MAP7: variants seen among roughly 807,000 people sequenced by gnomAD.
The protein encoded by MAP7 is ensconsin.
Under a neutral mutation model 94.8 loss-of-function variants are expected in MAP7, and 52 were observed. The observed-to-expected ratio is 0.55, with a 90% CI of 0.44 to 0.69. The LOEUF (loss-of-function observed/expected upper bound fraction) is 0.69, where lower values mean the gene tolerates loss of function less well. Ranked by LOEUF, MAP7 falls within the 30% of genes least tolerant of loss-of-function variation. The probability of loss-of-function intolerance (pLI) is 0.00; values close to 1 mark genes in which losing one functional copy is unlikely to be tolerated. For synonymous variants in MAP7, 350 were observed against 357.0 expected, an observed-to-expected ratio of 0.98 and a Z score of 0.22; for missense variants, 940 against 964.6, an observed-to-expected ratio of 0.97 and a Z score of 0.34.
rs190972570 is a variant in MAP7 at position 136,510,000 on chromosome 6, G to A, written c.67+40342C>T. Among the ~76,000 whole-genome samples the A allele has an allele frequency of 1.5e-4, 23 of 152,282 alleles. No individual in the cohort carries two copies. The East Asian group carries it at 2.1e-3, about 14-fold the overall frequency. On this transcript the variant is annotated intron_variant, in intron 1 of 17. Transcript: ENST00000354570. ...GTGGATCACCTGAGGTCAGGAGTTC[G>A]AGACCAGCCTGAGTAATATGGTGAA...
intron 1 of MAP7, among the ~76,000 whole-genome samples, chr6:136,470,124 C>A (rs762568792): frequency 1.3e-5 from 2 of 152,160 alleles, no homozygotes; most frequent in Non-Finnish European, 2.9e-5. Context: ...AGGCCCTTCC[C>A]ATCCTTTCCG....
intron 3 of MAP7, among the ~76,000 whole-genome samples, chr6:136,396,110 T>A (rs1782388718): frequency 6.6e-6 from 1 of 152,218 alleles, no homozygotes; most frequent in South Asian, 2.1e-4. Flanking sequence ...GTCATTGGTA[T>A]TTTGGTAGGA....
intron 1 of MAP7, among the ~76,000 whole-genome samples, chr6:136,536,266 C>T (rs887966700): frequency 6.6e-6 from 1 of 152,118 alleles, no homozygotes; most frequent in African/African-American, 2.4e-5. Context: ...TCCATAAATA[C>T]GTCTTCTCTT....
intron 16 of MAP7, among the ~76,000 whole-genome samples, chr6:136,348,570 G>A (rs917926065): frequency 6.6e-6 from 1 of 152,156 alleles, no homozygotes; most frequent in Non-Finnish European, 1.5e-5. Context: ...AAGACCGCAC[G>A]CTTTGCTCCA....
intron 1 of MAP7, among the ~76,000 whole-genome samples, chr6:136,479,421 G>A (rs1375042790): frequency 6.6e-6 from 1 of 152,152 alleles, no homozygotes; most frequent in Non-Finnish European, 1.5e-5. Context: ...AGGAAAAACT[G>A]AAAGCCTTTC....
chr6:136,544,951 A>G (rs1417946130), intron 1 of MAP7, among the ~76,000 whole-genome samples: 1 of 152,172 alleles, frequency 6.6e-6, no homozygotes, highest in Non-Finnish European at 1.5e-5. Context: ...GTAAAGAACA[A>G]AACAGGTCCT....
At chr6:136,473,670 C>T (rs1211454559) in intron 1 of MAP7, among the ~76,000 whole-genome samples, 2 of 152,114 alleles carry the variant, frequency 1.3e-5, no homozygotes, top group Non-Finnish European at 2.9e-5. Flanking sequence ...TATTATAAAG[C>T]AAGGCTGCCT....
chr6:136,493,417 C>A (rs998398665), intron 1 of MAP7, among the ~76,000 whole-genome samples: 5 of 151,860 alleles, frequency 3.3e-5, no homozygotes, highest in Non-Finnish European at 7.4e-5. Flanking sequence ...GCCACCGCAC[C>A]GGCTTCTTCT....
At chr6:136,549,503 G>A (rs1428817720) in intron 1 of MAP7, among the ~76,000 whole-genome samples, 1 of 152,052 alleles carries the variant, frequency 6.6e-6, no homozygotes, top group Admixed American at 6.5e-5. Context: ...AAGCCTTGCT[G>A]CTGGTCTTGG....
intron 16 of MAP7, among the ~76,000 whole-genome samples, chr6:136,350,001 G>C (rs1788709603): frequency 6.6e-6 from 1 of 152,178 alleles, no homozygotes; most frequent in Admixed American, 6.5e-5. Context: ...ATGTAATTTA[G>C]TTCACAGCAT....
intron 1 of MAP7, among the ~76,000 whole-genome samples, chr6:136,431,881 A>C (rs1158608206): frequency 6.6e-6 from 1 of 152,178 alleles, no homozygotes; most frequent in African/African-American, 2.4e-5. Context: ...CAAAACTTTG[A>C]AGACTGAAGT....
At chr6:136,508,716 T>G (rs1181890413) in intron 1 of MAP7, among the ~76,000 whole-genome samples, 1 of 152,214 alleles carries the variant, frequency 6.6e-6, no homozygotes, top group Admixed American at 6.5e-5. Flanking sequence ...CAGGATGGTT[T>G]TCCTTTTTTT....
chr6:136,355,891 G>A (rs931989603), intron 16 of MAP7, among the ~76,000 whole-genome samples: 3 of 152,152 alleles, frequency 2.0e-5, no homozygotes, highest in African/African-American at 4.8e-5. Context: ...ATATGATGCT[G>A]TTGATATAAT....
chr6:136,421,877 T>A, intron 1 of MAP7, 78 bp from the exon 2 acceptor site: 1 of 1,118,684 alleles, frequency 8.9e-7, no homozygotes, highest in Non-Finnish European at 1.3e-6. Flanking sequence ...TATTCGACAT[T>A]TACTGTTAAC....
Position 136,550,387 on chromosome 6 carries a change from C to T in MAP7, c.22G>A (p.Gly8Ser), listed in dbSNP as rs1359526698. Residue 8 changes from glycine to serine, a missense_variant, in exon 1 of 18, where the codon GGC becomes AGC. By Grantham distance (56) the Gly-to-Ser change is moderately conservative. Transcript: ENST00000354570. This position sits in a 1 kb window ranked among gnomAD's most constrained non-coding sequence, Gnocchi z 5.1. ...CCGTCGCCGCCCCTGTGGCCGTCGC[C>T]GCCAGCTCCTAGCTCCGCCATGGTG... The part of the protein sequence containing the change: MAELGAG[G>S]DGHRGGDGAV... 6.5e-7 allele frequency: 1 copy of T among 1,529,594 alleles called. No individual in the cohort carries two copies. The highest frequency in any genetic ancestry group is 8.7e-7 in the Non-Finnish European group (1 of 1,146,604). 94.8% of individuals were successfully genotyped at this position (1,529,594 alleles called of 1,614,324 possible).
chr6:136,486,852 C>CA (rs1400191435), intron 1 of MAP7, among the ~76,000 whole-genome samples: 2 of 151,992 alleles, frequency 1.3e-5, no homozygotes, highest in African/African-American at 4.8e-5. Flanking sequence ...TTTAAATAAA[C>CA]AAAATGGCAA....
intron 3 of MAP7, among the ~76,000 whole-genome samples, chr6:136,397,590 AC>A (rs1240539702): frequency 1.3e-5 from 2 of 151,288 alleles, no homozygotes; most frequent in African/African-American, 4.9e-5. Context: ...GGTAATTAAG[AC>A]TAAATGAGGT....
At chr6:136,350,880 T>G (rs1407199510) in intron 16 of MAP7, among the ~76,000 whole-genome samples, 1 of 152,000 alleles carries the variant, frequency 6.6e-6, no homozygotes, top group Non-Finnish European at 1.5e-5. Flanking sequence ...TAAAACAAAA[T>G]AAAGACAGGA....
intron 8 of MAP7, among the ~76,000 whole-genome samples, chr6:136,368,626 G>T (rs1794901401): frequency 6.6e-6 from 1 of 151,958 alleles, no homozygotes; most frequent in Non-Finnish European, 1.5e-5. Flanking sequence ...AATAGAAAAG[G>T]AAATTTGAAA....
Sources: gnomAD v4.1 joint callset for allele counts (sites outside exome capture counted in the v4.1 genomes callset) on GRCh38, gnomAD v4.1.1 for gene constraint, Gnocchi (gnomAD v3.1) non-coding constraint, MANE v1.5 for transcripts, NCBI Gene and HGNC (gene_info 2026-07-23, HGNC 2026-07-21) for gene names.